ZNF814: variants seen among roughly 807,000 people sequenced by gnomAD.
ZNF814 encodes the protein zinc finger protein 814.
In ZNF814, 5 loss-of-function variants were observed where a neutral mutation model predicts 7.5. That is an observed-to-expected ratio of 0.67 (90% CI 0.35 to 1.40). The LOEUF (loss-of-function observed/expected upper bound fraction) is 1.40, where lower values mean the gene tolerates loss of function less well. Among genes scored for constraint, ZNF814 ranks in the 40% most tolerant of loss-of-function variants. The probability of loss-of-function intolerance (pLI) is 0.04; values close to 1 mark genes in which losing one functional copy is unlikely to be tolerated. For missense variants in ZNF814, 962 were observed against 1,018.0 expected, an observed-to-expected ratio of 0.94 and a Z score of 0.75; for synonymous variants, 315 against 340.7, an observed-to-expected ratio of 0.92 and a Z score of 0.83.
chr19:57,903,585 A>G, the ZNF814 span, among the ~76,000 whole-genome samples: 1 of 152,216 alleles, frequency 6.6e-6, no homozygotes, highest in Non-Finnish European at 1.5e-5. Context: ...AAAGTAAAAG[A>G]GCAGGTTTTT....
At chr19:57,886,842 T>C (rs1471539426) in intron 1 of ZNF814, among the ~76,000 whole-genome samples, 2 of 151,412 alleles carry the variant, frequency 1.3e-5, no homozygotes, top group East Asian at 2.0e-4. Flanking sequence ...ATCACACCAC[T>C]GCACTCCAGG....
chr19:57,894,024 A>G (rs937228741), upstream of ZNF814, among the ~76,000 whole-genome samples: 10 of 151,922 alleles, frequency 6.6e-5, no homozygotes, highest in South Asian at 2.1e-3. Context: ...TGGAGGTTAC[A>G]GTGAGCTGAG....
rs2071537698 is a variant in ZNF814 at position 57,869,498 on chromosome 19, A to T, written c.*3324T>A. 6.6e-6 allele frequency: 1 copy of T among 152,160 alleles called. No homozygotes were observed. The highest frequency in any genetic ancestry group is 6.6e-5 in the Admixed American group (1 of 15,250). 9.4% of individuals were successfully genotyped at this position (152,160 alleles called of 1,614,324 possible). ...TGGAGAACAGAAAGAAAGCCTTTATAAAAAGGTTCCAAGTAAATATAAAGG... is the reference window on the plus strand; with the variant it reads ...TGGAGAACAGAAAGAAAGCCTTTATTAAAAGGTTCCAAGTAAATATAAAGG... On this transcript the variant is annotated 3_prime_UTR_variant, in exon 3 of 3. Coordinates refer to ENST00000435989, the MANE Select transcript of ZNF814 (RefSeq NM_001144989.2).
At chr19:57,888,173 C>T (rs559925236) in intron 1 of ZNF814, among the ~76,000 whole-genome samples, 1 of 152,284 alleles carries the variant, frequency 6.6e-6, no homozygotes, top group African/African-American at 2.4e-5. Flanking sequence ...TAACCTTTAA[C>T]ATTTACATGT....
At chr19:57,898,443 C>T in the ZNF814 span, among the ~76,000 whole-genome samples, 1 of 152,204 alleles carries the variant, frequency 6.6e-6, no homozygotes, top group African/African-American at 2.4e-5. Flanking sequence ...GATCGAACCG[C>T]ATTAGGGTAT....
chr19:57,901,570 G>A, the ZNF814 span: 1 of 398,380 alleles, frequency 2.5e-6, no homozygotes, highest in East Asian at 3.6e-5. Context: ...CAGGAAGAGA[G>A]GACTCTGGGA....
Position 57,872,456 on chromosome 19 carries a change from C to T in ZNF814, c.*366G>A. 1 of 390,776 alleles carries T rather than the reference C, an allele frequency of 2.6e-6. No homozygotes were observed. Among genetic ancestry groups the T allele is most frequent in the Non-Finnish European group, 4.6e-6 (1 of 216,546 alleles). The allele number at this position is 390,776 out of a possible 1,614,324, so 24.2% of individuals were successfully genotyped here. On this transcript the variant is annotated 3_prime_UTR_variant, in exon 3 of 3. Transcript: ENST00000435989. ...AGTGTTAACTCTGATCTTGAAGGAG[C>T]AAAGAGGTGTGGCTACAAAATTGCC...
intron 1 of ZNF814, among the ~76,000 whole-genome samples, chr19:57,885,036 T>C (rs893705442): frequency 7.2e-5 from 11 of 151,940 alleles, no homozygotes; most frequent in African/African-American, 2.7e-4. Flanking sequence ...ATAAAGAAAA[T>C]GTAGGCCGGA....
chr19:57,899,512 C>A, the ZNF814 span, among the ~76,000 whole-genome samples: 1 of 152,192 alleles, frequency 6.6e-6, no homozygotes, highest in Non-Finnish European at 1.5e-5. Flanking sequence ...AAATGACTTT[C>A]AAAAATTATT....
rs906991640 is a variant in ZNF814 at position 57,869,593 on chromosome 19, G to A, written c.*3229C>T. The A allele has an allele frequency of 1.3e-5, 2 of 152,138 alleles. No individual in the cohort carries two copies. Among genetic ancestry groups the A allele is most frequent in the South Asian group, 4.1e-4 (2 of 4,830 alleles). The allele number at this position is 152,138 out of a possible 1,614,324, so 9.4% of individuals were successfully genotyped here. ...ATATGAAACTCAAGATTTATCACAT[G>A]CTACAGCTTAAATATGCATAGCTTA... On this transcript the variant is annotated 3_prime_UTR_variant, in exon 3 of 3. Transcript: ENST00000435989.
At chr19:57,888,231 T>C (rs1361200699) in intron 1 of ZNF814, among the ~76,000 whole-genome samples, 1 of 152,076 alleles carries the variant, frequency 6.6e-6, no homozygotes, top group Non-Finnish European at 1.5e-5. Context: ...ACTTGGGGAG[T>C]GTCTTCAGCC....
In ZNF814 at chr19:57,875,959, T is replaced by C. The variant is rs1028641131; in HGVS notation, c.164-733A>G. On this transcript the variant is annotated intron_variant, in intron 2 of 2. Transcript: ENST00000435989. ...AGGGTGCCGCTTTTTTTTTTTTTTT[T>C]TTTTTTTTTTTTTTTTTTTGAGATG... Among the ~76,000 whole-genome samples, 77 of 116,430 alleles carry C rather than the reference T, an allele frequency of 6.6e-4. 4 individuals are homozygous for C. The highest frequency in any genetic ancestry group is 1.9e-3 in the Admixed American group (22 of 11,570). The allele number at this position is 116,430 out of a possible 152,430, so 76.4% of individuals were successfully genotyped here.
chr19:57,898,180 A>G, the ZNF814 span, among the ~76,000 whole-genome samples: 1 of 152,212 alleles, frequency 6.6e-6, no homozygotes, highest in Non-Finnish European at 1.5e-5. Context: ...AAGTTTTTCA[A>G]AGTTCCTTAA....
the ZNF814 span, among the ~76,000 whole-genome samples, chr19:57,897,529 A>G: frequency 6.6e-6 from 1 of 152,136 alleles, no homozygotes; most frequent in Non-Finnish European, 1.5e-5. Flanking sequence ...AAGATGGACA[A>G]CCTCTTTTGG....
chr19:57,886,824 G>A (rs1336350070), intron 1 of ZNF814, among the ~76,000 whole-genome samples: 1 of 149,716 alleles, frequency 6.7e-6, no homozygotes, highest in Non-Finnish European at 1.5e-5. Flanking sequence ...AGGTTGCAGT[G>A]AGCTGAGATC....
intron 1 of ZNF814, among the ~76,000 whole-genome samples, chr19:57,879,375 C>T (rs1467719964): frequency 3.4e-5 from 5 of 147,710 alleles, no homozygotes; most frequent in African/African-American, 1.0e-4. Context: ...GTCTGCCCCA[C>T]GACAAGCTAT....
chr19:57,878,260 A>G (rs1211001498), intron 1 of ZNF814, among the ~76,000 whole-genome samples: 1 of 151,604 alleles, frequency 6.6e-6, no homozygotes, highest in Non-Finnish European at 1.5e-5. Context: ...TGCATTGTGG[A>G]TAAGAGAGAG....
intron 1 of ZNF814, among the ~76,000 whole-genome samples, chr19:57,882,948 A>C (rs977567176): frequency 6.6e-6 from 1 of 152,208 alleles, no homozygotes; most frequent in Non-Finnish European, 1.5e-5. Flanking sequence ...AGAAACAGAG[A>C]TACATGACCT....
At chr19:57,879,188 AT>A (rs1256326959) in intron 1 of ZNF814, among the ~76,000 whole-genome samples, 3 of 149,298 alleles carry the variant, frequency 2.0e-5, no homozygotes, top group Non-Finnish European at 1.5e-5. Context: ...GTCTCAAGTA[AT>A]TCTGTGAGGA....
Sources: allele counts gnomAD v4.1 joint callset (sites outside exome capture counted in the v4.1 genomes callset), GRCh38; gene constraint gnomAD v4.1.1; transcripts MANE v1.5; gene names NCBI Gene and HGNC (gene_info 2026-07-23, HGNC 2026-07-21).